NHS: variants seen among roughly 807,000 people sequenced by gnomAD.
The protein encoded by NHS is NHS actin remodeling regulator.
Under a neutral mutation model 72.5 loss-of-function variants are expected in NHS, and 5 were observed. The ratio of observed to expected loss-of-function variants is 0.07; its 90% CI spans 0.04 to 0.14. NHS has a LOEUF of 0.14. NHS is among the 10% of genes least tolerant of loss of function. The probability of loss-of-function intolerance (pLI) is 1.00; values close to 1 mark genes in which losing one functional copy is unlikely to be tolerated. For synonymous variants in NHS, 464 were observed against 547.7 expected, an observed-to-expected ratio of 0.85 and a Z score of 2.13; for missense variants, 1,072 against 1,355.7, an observed-to-expected ratio of 0.79 and a Z score of 3.29.
chrX:17,452,491 G>T lies in NHS; in HGVS notation c.565+76169G>T, dbSNP rs767878448. Among the ~76,000 whole-genome samples, 3 of 98,517 alleles carry T rather than the reference G, an allele frequency of 3.0e-5. No homozygotes were observed. The East Asian group carries it at 9.6e-4, about 32-fold the overall frequency. The allele number at this position is 98,517 out of a possible 115,157, so 85.6% of individuals were successfully genotyped here. A position where few individuals can be genotyped will look rare whatever the true frequency, so the allele number is the denominator to read the frequency against. On this transcript the variant is annotated intron_variant, in intron 1 of 8. Coordinates refer to ENST00000676302, the MANE Select transcript of NHS (RefSeq NM_001291867.2). ...TTCCCTGGGCTCAGTATCTTTCTGT[G>T]TTTTTTTTTTTTGTTTTTGTTTTTG...
At chrX:17,661,229 A>G (rs150900563) in intron 1 of NHS, among the ~76,000 whole-genome samples, 1,552 of 111,899 alleles carry the variant, frequency 0.014, 30 homozygotes, top group African/African-American at 0.048. Flanking sequence ...GAGCATACCA[A>G]TTGGATGAGA....
At chrX:17,679,989 T>TGAGGAGA (rs2066116542) in intron 1 of NHS, among the ~76,000 whole-genome samples, 1 of 111,923 alleles carries the variant, frequency 8.9e-6, no homozygotes, top group Admixed American at 9.5e-5. Flanking sequence ...CAGGGCCCTC[T>TGAGGAGA]CTTGCAGCCA....
intron 1 of NHS, among the ~76,000 whole-genome samples, chrX:17,556,244 G>A (rs978124237): frequency 4.4e-5 from 5 of 112,786 alleles, no homozygotes; most frequent in African/African-American, 1.6e-4. Flanking sequence ...TTTTCTATCT[G>A]AGCAGGCTGA....
intron 3 of NHS, among the ~76,000 whole-genome samples, chrX:17,695,877 C>T (rs755593988): frequency 3.2e-4 from 33 of 104,519 alleles, no homozygotes; most frequent in Admixed American, 6.2e-4. Context: ...ATCTAAGAGT[C>T]CTTACTTATC....
chrX:17,579,726 C>T (rs770678712), intron 1 of NHS, among the ~76,000 whole-genome samples: 10 of 111,137 alleles, frequency 9.0e-5, no homozygotes, highest in Non-Finnish European at 1.7e-4. Flanking sequence ...TCACCTGTAG[C>T]TCAGTGGAAA....
At chrX:17,419,682 C>T (rs2064613871) in intron 1 of NHS, among the ~76,000 whole-genome samples, 1 of 110,962 alleles carries the variant, frequency 9.0e-6, no homozygotes, top group Non-Finnish European at 1.9e-5. Flanking sequence ...CTAGAAAGTG[C>T]GAATCCATTA....
intron 1 of NHS, among the ~76,000 whole-genome samples, chrX:17,483,606 T>A (rs1030219013): frequency 5.4e-5 from 6 of 111,831 alleles, no homozygotes; most frequent in African/African-American, 2.0e-4. Flanking sequence ...TTCCTAGCCT[T>A]ACAGTCCAGC....
At chrX:17,484,307 T>C (rs1052154043) in intron 1 of NHS, among the ~76,000 whole-genome samples, 3 of 112,393 alleles carry the variant, frequency 2.7e-5, no homozygotes, top group Non-Finnish European at 5.6e-5. Flanking sequence ...ACATAAAGTC[T>C]TGGCTTACTT....
chrX:17,688,018 C>T (rs1016579115), intron 2 of NHS, 124 bp downstream of exon 2: 5 of 754,305 alleles, frequency 6.6e-6, no homozygotes, highest in Middle Eastern at 4.6e-4. Flanking sequence ...GAAATGCTCC[C>T]GTTTCTACCC....
chrX:17,638,698 G>A (rs1211856274), intron 1 of NHS, among the ~76,000 whole-genome samples: 1 of 112,095 alleles, frequency 8.9e-6, no homozygotes, highest in Admixed American at 9.5e-5. Flanking sequence ...TTCTTTAAAC[G>A]ATGATGAAAT....
At chrX:17,710,977 C>T (rs746354317) in intron 3 of NHS, among the ~76,000 whole-genome samples, 18 of 112,107 alleles carry the variant, frequency 1.6e-4, no homozygotes, top group Admixed American at 2.8e-4. Context: ...CTGACTTCCC[C>T]AGCTGAGGGC....
chrX:17,703,081 C>A (rs2066275643), intron 3 of NHS, among the ~76,000 whole-genome samples: 1 of 108,657 alleles, frequency 9.2e-6, no homozygotes, highest in South Asian at 4.0e-4. Context: ...CCAGCCTGGG[C>A]AACATTGTGA....
At chrX:17,447,809 A>ACACACG (rs2064789200) in intron 1 of NHS, among the ~76,000 whole-genome samples, 1 of 110,058 alleles carries the variant, frequency 9.1e-6, no homozygotes, top group Non-Finnish European at 1.9e-5. Context: ...ACACACACAC[A>ACACACG]CACACACACA....
At chrX:17,670,284 C>T (rs2066036332) in intron 1 of NHS, among the ~76,000 whole-genome samples, 1 of 112,605 alleles carries the variant, frequency 8.9e-6, no homozygotes, top group South Asian at 3.7e-4. Flanking sequence ...AAGCAAGTTA[C>T]AAAAAGTCAG....
chrX:17,671,819 T>C (rs1390358857), intron 1 of NHS, among the ~76,000 whole-genome samples: 1 of 111,869 alleles, frequency 8.9e-6, no homozygotes, highest in Admixed American at 9.5e-5. Context: ...GAGGAAAAGA[T>C]GAAAACATTG....
Position 17,732,339 on chromosome X carries a change from A to G in NHS, c.4831A>G (p.Ser1611Gly). Residue 1611 changes from serine (S) to glycine (G), a missense_variant, in exon 9 of 9, where the codon AGC (serine) becomes GGC (glycine). Coordinates refer to ENST00000676302, the MANE Select transcript of NHS (RefSeq NM_001291867.2). ...VGRSRAPPAA[S>G]SSRYSVRCRL... ...ACGTTCTCGGGCCCCTCCTGCAGCC[A>G]GCAGCAGCCGCTACAGTGTCCGCTG... 8.2e-7 allele frequency: 1 copy of G among 1,212,539 alleles called. No homozygotes were observed. Among genetic ancestry groups the G allele is most frequent in the Non-Finnish European group, 1.1e-6 (1 of 895,676 alleles).
chrX:17,619,581 C>T (rs2147062128), intron 1 of NHS, among the ~76,000 whole-genome samples: 1 of 111,973 alleles, frequency 8.9e-6, no homozygotes, highest in African/African-American at 3.3e-5. Flanking sequence ...TCTTTGATCA[C>T]CATGTCCAAT....
chrX:17,450,430 C>T (rs993118288), intron 1 of NHS, among the ~76,000 whole-genome samples: 2 of 111,852 alleles, frequency 1.8e-5, no homozygotes, highest in African/African-American at 3.3e-5. Context: ...ACTCTGGAAG[C>T]TGGTATTGCT....
intron 1 of NHS, among the ~76,000 whole-genome samples, chrX:17,584,327 G>A: frequency 9.0e-6 from 1 of 111,086 alleles, no homozygotes; most frequent in Middle Eastern, 4.6e-3. Context: ...GCAGGGTGGG[G>A]CACACAACCC....
Sources: allele counts gnomAD v4.1 joint callset (sites outside exome capture counted in the v4.1 genomes callset), GRCh38; gene constraint gnomAD v4.1.1; transcripts MANE v1.5; gene names NCBI Gene and HGNC (gene_info 2026-07-23, HGNC 2026-07-21).